COLEC10: variants seen among roughly 807,000 people sequenced by gnomAD.
COLEC10 encodes the protein collectin subfamily member 10.
Under a neutral mutation model 28.4 loss-of-function variants are expected in COLEC10, and 22 were observed. The observed-to-expected ratio is 0.78, with a 90% CI of 0.55 to 1.11. The LOEUF (loss-of-function observed/expected upper bound fraction) is 1.11. Ranked by LOEUF, COLEC10 falls within the 50% of genes least tolerant of loss-of-function variation. COLEC10 has a pLI of 0.00. For missense variants in COLEC10, 361 were observed against 344.1 expected (o/e 1.05, Z -0.39); for synonymous variants, 125 against 116.1 (o/e 1.08, Z -0.49).
At position 119,013,065 on chromosome 8, in the gene COLEC10, ATCTT is replaced by A. The variant is rs576179342; in HGVS notation, n.235+3517_235+3520del. On this transcript the variant is annotated intron_variant and non_coding_transcript_variant, in intron 2 of 6. Transcript: ENST00000521788. ...TGGAAGCTTAGATGATTGAGTTTAG[ATCTT>A]TCTTCTTTTCTATTAAGTGCATTCA... Among the ~76,000 whole-genome samples the A allele has an allele frequency of 1.3e-3, 191 of 147,958 alleles. 20 individuals carry two copies. The highest frequency in any genetic ancestry group is 4.6e-3 in the African/African-American group (182 of 39,346).
chr8:119,037,324 GAC>G (rs1814407467), intron 2 of COLEC10, among the ~76,000 whole-genome samples: 1 of 152,140 alleles, frequency 6.6e-6, no homozygotes, highest in Non-Finnish European at 1.5e-5. Context: ...AACAGTGCCT[GAC>G]ACATATGAAA....
At chr8:119,007,729 T>C (rs902473626) in intron 1 of COLEC10, among the ~76,000 whole-genome samples, 25 of 151,108 alleles carry the variant, frequency 1.7e-4, no homozygotes, top group Non-Finnish European at 2.5e-4. Context: ...ATACCAGTAG[T>C]TTATTACATC....
In COLEC10 at chr8:119,051,879, G is replaced by T. The variant is rs144781591; in HGVS notation, n.236-37801G>T. Reference sequence around the variant, plus strand: ...AGCTTAGATTCAGGCTTTGGGGCTTGAATCCTAGCTCTGCACCTCAATTGC... The same window carrying T: ...AGCTTAGATTCAGGCTTTGGGGCTTTAATCCTAGCTCTGCACCTCAATTGC... On this transcript the variant is annotated intron_variant and non_coding_transcript_variant, in intron 2 of 6. Transcript: ENST00000521788. 7.8e-3 allele frequency among the ~76,000 whole-genome samples: 1,187 copies of T among 152,220 alleles called. 10 individuals carry two copies. The highest frequency in any genetic ancestry group is 0.026 in the African/African-American group (1,066 of 41,528).
At chr8:119,104,092 T>C (rs1430041853) in intron 5 of COLEC10, among the ~76,000 whole-genome samples, 197 bp downstream of exon 5, 1 of 152,112 alleles carries the variant, frequency 6.6e-6, no homozygotes, top group African/African-American at 2.4e-5. Context: ...CATATATTTA[T>C]ATGTATGTGC....
chr8:119,046,770 T>G (rs906159157), intron 2 of COLEC10, among the ~76,000 whole-genome samples: 47 of 152,234 alleles, frequency 3.1e-4, no homozygotes, highest in African/African-American at 1.1e-3. Context: ...ATGTGATGTT[T>G]ACTTTGTGTA....
chr8:119,046,552 CA>C (rs1713233910), intron 2 of COLEC10, among the ~76,000 whole-genome samples: 1 of 152,128 alleles, frequency 6.6e-6, no homozygotes, highest in South Asian at 2.1e-4. Context: ...CATCTTATTT[CA>C]ACAGATGCTT....
chr8:118,973,352 G>A, the COLEC10 span, among the ~76,000 whole-genome samples: 11 of 151,874 alleles, frequency 7.2e-5, no homozygotes, highest in African/African-American at 1.2e-4. Flanking sequence ...ATCAAAGTGC[G>A]ACCTGGGGCT....
At chr8:119,028,705 TTA>T (rs1413144631) in intron 2 of COLEC10, among the ~76,000 whole-genome samples, 3 of 152,162 alleles carry the variant, frequency 2.0e-5, no homozygotes, top group East Asian at 1.9e-4. Flanking sequence ...TAAAGGGTTA[TTA>T]TATGTTTTCT....
chr8:119,036,966 C>T (rs1044296482), intron 2 of COLEC10, among the ~76,000 whole-genome samples: 9 of 152,050 alleles, frequency 5.9e-5, no homozygotes, highest in African/African-American at 9.7e-5. Context: ...TGGGGCTTCC[C>T]GTTGGCTAAA....
chr8:119,011,468 C>T (rs2130085700), intron 2 of COLEC10, among the ~76,000 whole-genome samples: 1 of 107,246 alleles, frequency 9.3e-6, no homozygotes, highest in South Asian at 3.4e-4. Context: ...TGGTCATTTG[C>T]CTCTCCATAT....
intron 2 of COLEC10, among the ~76,000 whole-genome samples, chr8:119,036,918 C>G (rs1273949734): frequency 6.6e-6 from 1 of 152,112 alleles, no homozygotes; most frequent in Non-Finnish European, 1.5e-5. Flanking sequence ...TGGAGAGAAG[C>G]AGTAGCTGTA....
At chr8:119,067,195 C>T (rs537841926), upstream of COLEC10, 14 of 1,387,716 alleles carry the variant, frequency 1.0e-5, no homozygotes, top group South Asian at 4.0e-5. Context: ...AAATACTTCC[C>T]CTTCTTCCCC....
chr8:119,073,881 C>G (rs1037151778), intron 1 of COLEC10, among the ~76,000 whole-genome samples: 1 of 151,150 alleles, frequency 6.6e-6, no homozygotes. Context: ...AGATCATGGG[C>G]TTTTATATGT....
the COLEC10 span, among the ~76,000 whole-genome samples, chr8:118,984,667 A>G: frequency 2.0e-5 from 3 of 152,124 alleles, 1 homozygote; most frequent in South Asian, 4.1e-4. Context: ...TGATGTGTCT[A>G]TAAGCCAAGG....
At chr8:119,078,038 C>T (rs1815288864) in intron 1 of COLEC10, among the ~76,000 whole-genome samples, 1 of 152,146 alleles carries the variant, frequency 6.6e-6, no homozygotes, top group Non-Finnish European at 1.5e-5. Context: ...TAACCAGATC[C>T]TGTGTAAACT....
In COLEC10 at chr8:119,089,742, G is replaced by A; in HGVS notation, c.211G>A (p.Gly71Arg). The change falls in exon 2 of 6, where the codon GGG becomes AGG. Residue 71 changes from glycine (G) to arginine (R), a missense_variant. By Grantham distance (125) the Gly-to-Arg change is moderately radical. Transcript: ENST00000332843. ...AAAGCATGGCAAAGTGGGACGCATG[G>A]GGCCGAAAGGTAACTAAAATGATGT... ...EGKHGKVGRMGPKGIKGELGD... is the reference protein window; with the variant it reads ...EGKHGKVGRMRPKGIKGELGD... 1 of 1,613,082 alleles carries A rather than the reference G, an allele frequency of 6.2e-7. No individual in the cohort carries two copies. The highest frequency in any genetic ancestry group is 8.5e-7 in the Non-Finnish European group (1 of 1,179,218).
chr8:118,953,282 G>A, the COLEC10 span, among the ~76,000 whole-genome samples: 3 of 152,222 alleles, frequency 2.0e-5, no homozygotes, highest in African/African-American at 7.2e-5. Context: ...GGACAAAATT[G>A]TATGACTCCA....
the COLEC10 span, among the ~76,000 whole-genome samples, chr8:118,981,915 A>G: frequency 2.6e-5 from 4 of 152,056 alleles, no homozygotes; most frequent in African/African-American, 9.7e-5. Flanking sequence ...AGTGTGATGA[A>G]GGGTTTGTGC....
chr8:119,101,204 A>G (rs1815817769), intron 3 of COLEC10, among the ~76,000 whole-genome samples: 2 of 152,068 alleles, frequency 1.3e-5, no homozygotes, highest in South Asian at 4.1e-4. Context: ...TTCTCTGACC[A>G]CACCACATTC....
Sources: allele counts gnomAD v4.1 joint callset (sites outside exome capture counted in the v4.1 genomes callset), GRCh38; gene constraint gnomAD v4.1.1; transcripts MANE v1.5; gene names NCBI Gene and HGNC (gene_info 2026-07-23, HGNC 2026-07-21).